The following RPS6KA2 variants were observed in gnomAD, a reference collection of about 807,000 sequenced individuals.
RPS6KA2 encodes the protein ribosomal protein S6 kinase A2, also known as ribosomal protein S6 kinase alpha-2.
Under a neutral mutation model 91.8 loss-of-function variants are expected in RPS6KA2, and 42 were observed. The ratio of observed to expected loss-of-function variants is 0.46; its 90% CI spans 0.36 to 0.59. The LOEUF (loss-of-function observed/expected upper bound fraction) is 0.59, where lower values mean the gene tolerates loss of function less well. Ranked by LOEUF, RPS6KA2 falls within the 20% of genes least tolerant of loss-of-function variation. RPS6KA2 has a pLI of 0.00. For synonymous variants in RPS6KA2, 414 were observed against 393.6 expected, an observed-to-expected ratio of 1.05 and a Z score of -0.61; for missense variants, 798 against 978.5, an observed-to-expected ratio of 0.82 and a Z score of 2.46.
Position 166,459,694 on chromosome 6 carries a change from C to G in RPS6KA2, c.973-143G>C. ...TGGCCTTGTGGATTACAAGGGATTTCTAAATACTCTGAAATATAGATGGCA... is the reference window on the plus strand; with the variant it reads ...TGGCCTTGTGGATTACAAGGGATTTGTAAATACTCTGAAATATAGATGGCA... On this transcript the variant is annotated intron_variant, in intron 11 of 20. Coordinates refer to ENST00000265678, the MANE Select transcript of RPS6KA2 (RefSeq NM_021135.6). The surrounding 1 kb of genome is among the most constrained non-coding windows in gnomAD (Gnocchi z 4.9). 1.7e-6 allele frequency: 1 copy of G among 601,520 alleles called. No homozygotes were observed. The highest frequency in any genetic ancestry group is 2.0e-5 in the South Asian group (1 of 49,774). 37.3% of individuals were successfully genotyped at this position (601,520 alleles called of 1,614,324 possible).
intron 2 of RPS6KA2, among the ~76,000 whole-genome samples, chr6:166,691,745 G>A (rs889603553): frequency 2.6e-5 from 4 of 152,180 alleles, no homozygotes; most frequent in African/African-American, 9.7e-5. Context: ...AGGAGTGGAG[G>A]CTCCTTTGGT....
At chr6:166,861,073 C>T (rs1181524851) in intron 1 of RPS6KA2, among the ~76,000 whole-genome samples, 1 of 152,210 alleles carries the variant, frequency 6.6e-6, no homozygotes, top group East Asian at 1.9e-4. Context: ...ATATGTCGAG[C>T]ATTATTTAGC....
At chr6:166,607,291 C>G (rs751184110) in intron 1 of RPS6KA2, among the ~76,000 whole-genome samples, 1 of 152,086 alleles carries the variant, frequency 6.6e-6, no homozygotes, top group South Asian at 2.1e-4. Context: ...AGGTATAAAC[C>G]CAGGAGAAAT....
chr6:166,463,746 G>A (rs1012609745), intron 11 of RPS6KA2, among the ~76,000 whole-genome samples: 3 of 152,172 alleles, frequency 2.0e-5, no homozygotes, highest in Non-Finnish European at 2.9e-5. Context: ...GCTCCAATAA[G>A]GCAAAGGGCA....
chr6:166,465,003 T>A (rs1303092402), intron 11 of RPS6KA2, among the ~76,000 whole-genome samples: 2 of 150,870 alleles, frequency 1.3e-5, no homozygotes, highest in African/African-American at 5.0e-5. Flanking sequence ...AATAAATAAA[T>A]AAATAAATAA....
intron 4 of RPS6KA2, among the ~76,000 whole-genome samples, chr6:166,509,800 G>C (rs1334702933): frequency 1.3e-5 from 2 of 152,168 alleles, no homozygotes; most frequent in Non-Finnish European, 2.9e-5. Flanking sequence ...AATTATTTGA[G>C]CCTCAGAACA....
At chr6:166,827,256 C>CAAAAAAAAAAAAAA (rs56296433) in intron 2 of RPS6KA2, among the ~76,000 whole-genome samples, 3 of 94,494 alleles carry the variant, frequency 3.2e-5, no homozygotes, top group African/African-American at 4.2e-5. Context: ...CAACCTTATA[C>CAAAAAAAAAAAAAA]AAAAAAAAAA....
chr6:166,613,582 C>T (rs578130746), intron 1 of RPS6KA2, among the ~76,000 whole-genome samples: 2 of 152,284 alleles, frequency 1.3e-5, no homozygotes, highest in East Asian at 3.9e-4. Context: ...ATAGTGTGTC[C>T]AGGCTATCTG....
At chr6:166,550,416 G>C (rs533865815) in intron 1 of RPS6KA2, among the ~76,000 whole-genome samples, 1 of 150,232 alleles carries the variant, frequency 6.7e-6, no homozygotes. Flanking sequence ...TATCATTTCT[G>C]GATCAAAGAA....
chr6:166,453,973 C>T (rs1022551680), intron 12 of RPS6KA2, among the ~76,000 whole-genome samples: 2 of 152,190 alleles, frequency 1.3e-5, no homozygotes, highest in African/African-American at 4.8e-5. Flanking sequence ...ATCGCATGTT[C>T]TCACTCATAA....
At chr6:166,471,220 G>A (rs1780757273) in intron 10 of RPS6KA2, among the ~76,000 whole-genome samples, 1 of 152,250 alleles carries the variant, frequency 6.6e-6, no homozygotes, top group South Asian at 2.1e-4. Flanking sequence ...CAGCACAGGT[G>A]TGGCCCGGCC....
rs1028398857 is a variant in RPS6KA2, at chr6:166,773,392, T to C, written c.123+84808A>G. Among the ~76,000 whole-genome samples the C allele has an allele frequency of 5.5e-3, 832 of 152,090 alleles. 10 individuals carry two copies. Among genetic ancestry groups the C allele is most frequent in the East Asian group, 0.021 (109 of 5,172 alleles). ...TTTTCTTTTCTTTCTTTTCGTTTTT[T>C]TTTGTTTTGTTTTGTTTTGTTGTTT... On this transcript the variant is annotated intron_variant, in intron 2 of 21. Coordinates refer to the RPS6KA2 transcript ENST00000503859.
chr6:166,453,822 G>A (rs910488032), intron 12 of RPS6KA2, among the ~76,000 whole-genome samples: 2 of 152,188 alleles, frequency 1.3e-5, no homozygotes, highest in Admixed American at 6.5e-5. Flanking sequence ...ACAGGTGATT[G>A]GGTAAACAAA....
chr6:166,493,704 T>C lies in RPS6KA2; in HGVS notation c.748-2963A>G, dbSNP rs1781685273. 1.3e-5 allele frequency among the ~76,000 whole-genome samples: 2 copies of C among 152,078 alleles called. No individual in the cohort carries two copies. The highest frequency in any genetic ancestry group is 2.9e-5 in the Non-Finnish European group (2 of 68,034). ...AGGTAATTGGACAGACATAACGCAG[T>C]GCTTCTCAACTGGGGTCACCGTTGC... is the stretch of plus-strand genomic sequence containing the variant. On this transcript the variant is annotated intron_variant, in intron 8 of 20. Transcript: ENST00000265678. This position sits in a 1 kb window ranked among gnomAD's most constrained non-coding sequence, Gnocchi z 4.7.
chr6:166,473,864 CATT>C, intron 10 of RPS6KA2, among the ~76,000 whole-genome samples: 1 of 151,724 alleles, frequency 6.6e-6, no homozygotes, highest in Middle Eastern at 3.4e-3. Flanking sequence ...CAACTTCCAT[CATT>C]GACTTAAATA....
At chr6:166,534,095 G>A (rs1006010056) in intron 2 of RPS6KA2, among the ~76,000 whole-genome samples, 5 of 151,858 alleles carry the variant, frequency 3.3e-5, no homozygotes, top group South Asian at 4.2e-4. Flanking sequence ...TGTGGCAGGC[G>A]CCTGTAGTCT....
At chr6:166,811,420 C>T (rs1779637061) in intron 2 of RPS6KA2, among the ~76,000 whole-genome samples, 1 of 152,198 alleles carries the variant, frequency 6.6e-6, no homozygotes, top group African/African-American at 2.4e-5. Flanking sequence ...TGCCCAAAAC[C>T]TAACTACATG....
At chr6:166,545,362 G>A (rs117918795) in intron 1 of RPS6KA2, among the ~76,000 whole-genome samples, 13 of 152,276 alleles carry the variant, frequency 8.5e-5, no homozygotes, top group South Asian at 2.1e-4. Flanking sequence ...TGCAGTCACC[G>A]CATGCACAGT....
At chr6:166,815,520 A>C (rs1342357498) in intron 2 of RPS6KA2, among the ~76,000 whole-genome samples, 2 of 152,158 alleles carry the variant, frequency 1.3e-5, no homozygotes, top group Non-Finnish European at 2.9e-5. Flanking sequence ...CTCTACCAAA[A>C]TCATATCATC....
Sources: gnomAD v4.1 joint callset for allele counts (sites outside exome capture counted in the v4.1 genomes callset) on GRCh38, gnomAD v4.1.1 for gene constraint, Gnocchi (gnomAD v3.1) non-coding constraint, MANE v1.5 for transcripts, NCBI Gene and HGNC (gene_info 2026-07-23, HGNC 2026-07-21) for gene names.